The following ADAD1 variants were observed in gnomAD, a reference collection of about 807,000 sequenced individuals.
The protein encoded by ADAD1 is adenosine deaminase domain containing 1, also known as adenosine deaminase domain-containing protein 1.
Under a neutral mutation model 66.8 loss-of-function variants are expected in ADAD1, and 46 were observed. The observed-to-expected ratio is 0.69, with a 90% CI of 0.54 to 0.88. ADAD1 has a LOEUF of 0.88. Ranked by LOEUF, ADAD1 falls within the 40% of genes least tolerant of loss-of-function variation. ADAD1 has a pLI of 0.00. For missense variants in ADAD1, 617 were observed against 681.8 expected, an observed-to-expected ratio of 0.91 and a Z score of 1.06; for synonymous variants, 248 against 229.4, an observed-to-expected ratio of 1.08 and a Z score of -0.73.
At chr4:122,381,265 A>G in intron 4 of ADAD1, 85 bp downstream of exon 4, 6 of 1,316,244 alleles carry the variant, frequency 4.6e-6, no homozygotes, top group Non-Finnish European at 6.1e-6. Flanking sequence ...TTCTTCTAAT[A>G]TTGGAGTTAG....
At chr4:122,398,735 T>A (rs1386796710) in intron 7 of ADAD1, among the ~76,000 whole-genome samples, 1 of 152,136 alleles carries the variant, frequency 6.6e-6, no homozygotes, top group Non-Finnish European at 1.5e-5. Context: ...TTAGTGATGT[T>A]GAGTATTTTT....
chr4:122,395,584 G>A (rs1304120881), intron 6 of ADAD1, among the ~76,000 whole-genome samples: 5 of 151,220 alleles, frequency 3.3e-5, no homozygotes, highest in Non-Finnish European at 1.5e-5. Context: ...GGGAGGCTGA[G>A]ACAGAAGAAT....
chr4:122,429,207 G>A (rs1399259428), intron 12 of ADAD1, among the ~76,000 whole-genome samples: 1 of 151,776 alleles, frequency 6.6e-6, no homozygotes, highest in East Asian at 1.9e-4. Context: ...GCCAAGGTGG[G>A]AGGACCACTT....
rs1796702474 is a variant in ADAD1 at position 122,415,725 on chromosome 4, A to G, written c.1487+109A>G. ...GATACTATTTATTGAACTCTGAACA[A>G]TAATTATTATCATTAGTCAAGTGTG... is the stretch of plus-strand genomic sequence containing the variant. On this transcript the variant is annotated intron_variant, in intron 11 of 12. Transcript: ENST00000296513. 4 of 955,280 alleles carry G rather than the reference A, an allele frequency of 4.2e-6. No homozygotes were observed. The East Asian group carries it at 7.6e-5, about 18-fold the overall frequency. 59.2% of individuals were successfully genotyped at this position (955,280 alleles called of 1,614,324 possible).
chr4:122,424,422 A>C (rs1244636370), intron 12 of ADAD1, among the ~76,000 whole-genome samples: 1 of 152,176 alleles, frequency 6.6e-6, no homozygotes, highest in Non-Finnish European at 1.5e-5. Flanking sequence ...ACTTAGATGC[A>C]GTATATATGA....
chr4:122,380,037 C>T, intron 2 of ADAD1, 25 bp from the exon 3 acceptor site: 5 of 1,581,770 alleles, frequency 3.2e-6, no homozygotes, highest in Non-Finnish European at 4.3e-6. Flanking sequence ...GTCTTGTTTT[C>T]TGCCAATTTT....
chr4:122,384,014 A>G (rs1219752852), intron 5 of ADAD1, 48 bp downstream of exon 5: 3 of 1,461,024 alleles, frequency 2.1e-6, no homozygotes, highest in Non-Finnish European at 2.8e-6. Context: ...TCATTTTTCA[A>G]AAGGAATCAC....
intron 7 of ADAD1, among the ~76,000 whole-genome samples, chr4:122,399,677 A>G (rs1419609012): frequency 6.9e-6 from 1 of 144,328 alleles, no homozygotes; most frequent in African/African-American, 2.6e-5. Flanking sequence ...TCAGCAGTGT[A>G]TTGTAGTTTC....
At chr4:122,405,975 C>G (rs1414277597) in intron 7 of ADAD1, among the ~76,000 whole-genome samples, 1 of 151,928 alleles carries the variant, frequency 6.6e-6, no homozygotes, top group African/African-American at 2.4e-5. Flanking sequence ...TTTATCTGTT[C>G]CTTTATTGGG....
chr4:122,421,373 A>T lies in ADAD1; in HGVS notation c.1600A>T (p.Thr534Ser). 1 of 1,597,690 alleles carries T rather than the reference A, an allele frequency of 6.3e-7. No homozygotes were observed. The highest frequency in any genetic ancestry group is 8.6e-7 in the Non-Finnish European group (1 of 1,169,000). Residue 534 changes from threonine to serine, a missense_variant, in exon 12 of 13, where the codon ACA becomes TCA. Coordinates refer to ENST00000296513, the MANE Select transcript of ADAD1 (RefSeq NM_139243.4). ...EAKKELLEAG[T>S]YHAAKCMSAS... ...TAAAAAAGAATTACTTGAAGCTGGT[A>T]CATATCATGCAGCTAAGGTAAGTCC...
Position 122,411,298 on chromosome 4 carries a change from C to A in ADAD1, c.925C>A (p.Pro309Thr). The A allele has an allele frequency of 6.2e-7, 1 of 1,612,884 alleles. No homozygotes were observed. Among genetic ancestry groups the A allele is most frequent in the South Asian group, 1.1e-5 (1 of 90,738 alleles). ...GGAAAAATCAATATTTTGTACAGAA[C>A]CAACTTCTAATCTACTCACTCTTAA... ...MMEKSIFCTE[P>T]TSNLLTLKQN... is the part of the protein sequence containing the mutation. Residue 309 changes from proline (P) to threonine (T), a missense_variant, in exon 9 of 13, where the codon CCA (proline) becomes ACA (threonine). Pro to Thr is a conservative substitution (Grantham distance 38). Coordinates refer to ENST00000296513, the MANE Select transcript of ADAD1 (RefSeq NM_139243.4).
chr4:122,412,688 T>C lies in ADAD1; in HGVS notation c.1128T>C (p.Gly376=). 1 of 1,613,892 alleles carries C rather than the reference T, an allele frequency of 6.2e-7. No individual in the cohort carries two copies. The highest frequency in any genetic ancestry group is 8.5e-7 in the Non-Finnish European group (1 of 1,179,804). ...TGACTGTTTACTGTCCTAAAGATGG[T>C]GTTAATAGAATAAGCAGTATGTCCT... ...IYLTVYCPKD[G]VNRISSMSSS... The change falls in exon 10 of 13, where the codon GGT becomes GGC. Residue 376 remains glycine, a synonymous_variant. Transcript: ENST00000296513.
chr4:122,398,664 G>A (rs1486402839), intron 7 of ADAD1, among the ~76,000 whole-genome samples: 1 of 152,000 alleles, frequency 6.6e-6, no homozygotes, highest in African/African-American at 2.4e-5. Context: ...TTAAATTATA[G>A]CCAGTCTTGC....
chr4:122,379,226 G>C (rs1470476342), intron 1 of ADAD1, 111 bp downstream of exon 1: 2 of 152,440 alleles, frequency 1.3e-5, no homozygotes, highest in Admixed American at 6.5e-5. Flanking sequence ...AGGGGGGCAC[G>C]GGACAGTAAG....
At chr4:122,411,574 T>C (rs1160448790) in intron 9 of ADAD1, among the ~76,000 whole-genome samples, 182 bp downstream of exon 9, 1 of 152,176 alleles carries the variant, frequency 6.6e-6, no homozygotes. Context: ...TCTAATCTAT[T>C]ACTTCTACAG....
chr4:122,382,549 A>G (rs183173845), intron 4 of ADAD1, among the ~76,000 whole-genome samples: 1 of 152,178 alleles, frequency 6.6e-6, no homozygotes, highest in East Asian at 1.9e-4. Context: ...CAAATAGCTA[A>G]GACTGCTGCA....
At chr4:122,395,603 C>T (rs1795669618) in intron 6 of ADAD1, among the ~76,000 whole-genome samples, 1 of 151,848 alleles carries the variant, frequency 6.6e-6, no homozygotes, top group South Asian at 2.1e-4. Flanking sequence ...ATCGCTTGAA[C>T]CCGGGAGGCC....
chr4:122,419,681 G>T (rs1291021550), intron 11 of ADAD1, among the ~76,000 whole-genome samples: 1 of 151,918 alleles, frequency 6.6e-6, no homozygotes. Flanking sequence ...AACACCAACT[G>T]GCATTTTTTT....
intron 7 of ADAD1, among the ~76,000 whole-genome samples, chr4:122,405,122 C>T (rs988487947): frequency 1.3e-5 from 2 of 152,144 alleles, no homozygotes; most frequent in Non-Finnish European, 2.9e-5. Flanking sequence ...GGAAGGTTTA[C>T]GGACCTGGTT....
Sources: allele counts gnomAD v4.1 joint callset (sites outside exome capture counted in the v4.1 genomes callset), GRCh38; gene constraint gnomAD v4.1.1; transcripts MANE v1.5; gene names NCBI Gene and HGNC (gene_info 2026-07-23, HGNC 2026-07-21).